The following LAPTM4B variants were observed in gnomAD, a reference collection of about 807,000 sequenced individuals.
The protein encoded by LAPTM4B is lysosomal protein transmembrane 4 beta.
A neutral mutation model predicts 28.5 loss-of-function variants in LAPTM4B; 26 were observed. The ratio of observed to expected loss-of-function variants is 0.91; its 90% CI spans 0.67 to 1.27. LAPTM4B has a LOEUF of 1.27. Among genes scored for constraint, LAPTM4B ranks in the 50% most tolerant of loss-of-function variants. LAPTM4B has a pLI of 0.00. For synonymous variants in LAPTM4B, 109 were observed against 106.4 expected, an observed-to-expected ratio of 1.02 and a Z score of -0.15; for missense variants, 288 against 285.8, an observed-to-expected ratio of 1.01 and a Z score of -0.06.
At position 97,816,320 on chromosome 8, in the gene LAPTM4B, TTTC is replaced by T. The variant is rs1554591527; in HGVS notation, c.408+143_408+145del. 946 of 818,454 alleles carry T rather than the reference TTTC, an allele frequency of 1.2e-3. 4 individuals are homozygous for T. The highest frequency in any genetic ancestry group is 3.3e-3 in the South Asian group (160 of 49,056). 50.7% of individuals were successfully genotyped at this position (818,454 alleles called of 1,614,324 possible). A position where few individuals can be genotyped will look rare whatever the true frequency, so the allele number is the denominator to read the frequency against. On this transcript the variant is annotated intron_variant, in intron 4 of 6. Transcript: ENST00000521545. ...TGAGTTACTCATAGGAAATTTCTTT[TTTC>T]TTTTTTTTGAGGTGGAGTCTTGCTC...
chr8:97,801,429 G>A (rs867891539), intron 1 of LAPTM4B, among the ~76,000 whole-genome samples: 1 of 152,070 alleles, frequency 6.6e-6, no homozygotes, highest in Middle Eastern at 3.2e-3. Flanking sequence ...TGATCCATCT[G>A]CCTCGGCCTC....
chr8:97,830,261 G>A (rs1160343610), intron 6 of LAPTM4B, among the ~76,000 whole-genome samples: 1 of 152,178 alleles, frequency 6.6e-6, no homozygotes, highest in Non-Finnish European at 1.5e-5. Context: ...GGTAGCAGGA[G>A]AACGGGAGTG....
intron 1 of LAPTM4B, among the ~76,000 whole-genome samples, chr8:97,787,971 T>C (rs1258484488): frequency 6.6e-6 from 1 of 152,144 alleles, no homozygotes; most frequent in East Asian, 1.9e-4. Flanking sequence ...GTAGCTGAGA[T>C]TATAGGCACC....
chr8:97,777,867 A>G (rs909787943), intron 1 of LAPTM4B, among the ~76,000 whole-genome samples: 7 of 152,256 alleles, frequency 4.6e-5, no homozygotes, highest in African/African-American at 1.7e-4. Context: ...GATGATCAAG[A>G]CAGCCTGTTT....
chr8:97,847,102 A>G (rs1219660363), intron 6 of LAPTM4B, among the ~76,000 whole-genome samples: 1 of 152,204 alleles, frequency 6.6e-6, no homozygotes, highest in Non-Finnish European at 1.5e-5. Flanking sequence ...GACAACTTCA[A>G]TAGAAGAGAC....
At chr8:97,850,636 G>C (rs1209108765) in intron 6 of LAPTM4B, among the ~76,000 whole-genome samples, 1 of 150,444 alleles carries the variant, frequency 6.6e-6, no homozygotes, top group Non-Finnish European at 1.5e-5. Context: ...CTAACCAAGT[G>C]TGGTTTTGTT....
At chr8:97,834,689 G>T (rs1213573059) in intron 6 of LAPTM4B, among the ~76,000 whole-genome samples, 1 of 152,142 alleles carries the variant, frequency 6.6e-6, no homozygotes, top group Non-Finnish European at 1.5e-5. Context: ...CTCCTGAGTA[G>T]CTGGGACTAC....
chr8:97,835,712 G>A (rs1328726887), intron 6 of LAPTM4B, among the ~76,000 whole-genome samples: 2 of 152,128 alleles, frequency 1.3e-5, no homozygotes, highest in Admixed American at 6.5e-5. Flanking sequence ...TGGTGCCTTG[G>A]AGCCCCCTTT....
intron 2 of LAPTM4B, among the ~76,000 whole-genome samples, chr8:97,808,430 A>G (rs1437085892): frequency 6.6e-6 from 1 of 150,936 alleles, no homozygotes; most frequent in Non-Finnish European, 1.5e-5. Flanking sequence ...CCTGGGTGAC[A>G]GAGTGAGACT....
chr8:97,803,734 C>T (rs1816722750), intron 1 of LAPTM4B, among the ~76,000 whole-genome samples: 1 of 152,224 alleles, frequency 6.6e-6, no homozygotes, highest in Non-Finnish European at 1.5e-5. Flanking sequence ...TAGCCTCAAA[C>T]TCCTGGGCTC....
In LAPTM4B at chr8:97,847,220, G is replaced by A. The variant is rs963929466; in HGVS notation, c.604-4177G>A. ...AGTTCCACTGTCATTCAGCCATTCC[G>A]TAGCTGAACTCATGTTAAAACCAAC... On this transcript the variant is annotated intron_variant, in intron 6 of 6. Coordinates refer to ENST00000521545, the MANE Select transcript of LAPTM4B (RefSeq NM_018407.6). Among the ~76,000 whole-genome samples, 6 of 152,178 alleles carry A rather than the reference G, an allele frequency of 3.9e-5. No homozygotes were observed. In the South Asian group the frequency reaches 6.2e-4, roughly 16 times the overall value.
At chr8:97,812,207 T>TG (rs1491587763) in intron 2 of LAPTM4B, among the ~76,000 whole-genome samples, 4 of 55,660 alleles carry the variant, frequency 7.2e-5, no homozygotes, top group African/African-American at 1.8e-4. Flanking sequence ...TAATTATTTG[T>TG]TTTTTTTTTG....
intron 6 of LAPTM4B, among the ~76,000 whole-genome samples, chr8:97,846,482 C>G (rs1817436483): frequency 6.6e-6 from 1 of 152,120 alleles, no homozygotes; most frequent in Admixed American, 6.6e-5. Flanking sequence ...CATGCGCCAC[C>G]ACGCCCAGCT....
chr8:97,788,264 A>G, intron 1 of LAPTM4B: 1 of 361,018 alleles, frequency 2.8e-6, no homozygotes, highest in East Asian at 7.8e-5. Flanking sequence ...ACCTGATTTC[A>G]TTACCAGTTG....
At chr8:97,816,985 G>A (rs1182531890) in intron 4 of LAPTM4B, among the ~76,000 whole-genome samples, 2 of 152,068 alleles carry the variant, frequency 1.3e-5, no homozygotes. Flanking sequence ...GTGGAACACT[G>A]CTGTATACTA....
chr8:97,805,546 G>A (rs973013128), intron 2 of LAPTM4B, 82 bp downstream of exon 2: 14 of 790,352 alleles, frequency 1.8e-5, no homozygotes, highest in Non-Finnish European at 2.9e-5. Context: ...ATATAGACTC[G>A]TGAGTTCATT....
intron 6 of LAPTM4B, among the ~76,000 whole-genome samples, chr8:97,831,338 C>T (rs1246745271): frequency 6.6e-6 from 1 of 152,216 alleles, no homozygotes; most frequent in South Asian, 2.1e-4. Context: ...AGGTATCAAC[C>T]CAGACTAGGA....
chr8:97,793,637 AT>A (rs1816539455), intron 1 of LAPTM4B, among the ~76,000 whole-genome samples: 4 of 152,214 alleles, frequency 2.6e-5, no homozygotes, highest in Non-Finnish European at 5.9e-5. Flanking sequence ...TATTTTGTAC[AT>A]GGAAATACCA....
intron 5 of LAPTM4B, among the ~76,000 whole-genome samples, chr8:97,822,796 G>C (rs1056612394): frequency 1.3e-5 from 2 of 151,608 alleles, no homozygotes; most frequent in African/African-American, 2.4e-5. Context: ...TGGAAAATCG[G>C]GTGTCCATCC....
Sources: allele counts gnomAD v4.1 joint callset (sites outside exome capture counted in the v4.1 genomes callset), GRCh38; gene constraint gnomAD v4.1.1; transcripts MANE v1.5; gene names NCBI Gene and HGNC (gene_info 2026-07-23, HGNC 2026-07-21).